The following NEO1 variants were observed in gnomAD, a reference collection of about 807,000 sequenced individuals.
NEO1 encodes the protein neogenin.
Under a neutral mutation model 159.7 loss-of-function variants are expected in NEO1, and 63 were observed. That is an observed-to-expected ratio of 0.39 (90% CI 0.32 to 0.49). NEO1 has a LOEUF of 0.49. NEO1 is among the 20% of genes least tolerant of loss of function. NEO1 has a pLI of 0.85. For synonymous variants in NEO1, 633 were observed against 662.0 expected (o/e 0.96, Z 0.67); for missense variants, 1,615 against 1,831.0 (o/e 0.88, Z 2.15).
At chr15:73,258,941 T>C (rs2040490664) in intron 14 of NEO1, 65 bp downstream of exon 14, 12 of 1,389,826 alleles carry the variant, frequency 8.6e-6, no homozygotes, top group Non-Finnish European at 1.2e-5. Context: ...TGAGTCAAAC[T>C]GGAAAGCCAC....
At chr15:73,105,782 C>T (rs2070658718) in intron 1 of NEO1, among the ~76,000 whole-genome samples, 1 of 152,080 alleles carries the variant, frequency 6.6e-6, no homozygotes, top group Admixed American at 6.6e-5. Flanking sequence ...ACACTTTGGG[C>T]AAGAATACTA....
At chr15:73,111,652 C>T (rs1022809065) in intron 1 of NEO1, among the ~76,000 whole-genome samples, 3 of 152,028 alleles carry the variant, frequency 2.0e-5, no homozygotes, top group African/African-American at 7.3e-5. Flanking sequence ...ACTAGGTCTC[C>T]CTCAGTCACC....
intron 9 of NEO1, among the ~76,000 whole-genome samples, chr15:73,245,838 C>T (rs138141755): frequency 6.6e-6 from 1 of 151,898 alleles, no homozygotes; most frequent in Admixed American, 6.6e-5. Context: ...GCCTCGGCCT[C>T]GCAAAGTGCT....
chr15:73,284,625 G>T lies in NEO1; in HGVS notation c.3410+1514G>T, dbSNP rs531851890. 3.6e-3 allele frequency among the ~76,000 whole-genome samples: 440 copies of T among 121,088 alleles called. 2 individuals are homozygous for T. The highest frequency in any genetic ancestry group is 0.013 in the African/African-American group (415 of 31,778). 79.4% of individuals were successfully genotyped at this position (121,088 alleles called of 152,430 possible). ...TTTTGAGACGGTGTCTCTCTCTGTTGCCCAGGCTGGAATGCAGTGGCACAT... is the reference window on the plus strand; with the variant it reads ...TTTTGAGACGGTGTCTCTCTCTGTTTCCCAGGCTGGAATGCAGTGGCACAT... On this transcript the variant is annotated intron_variant, in intron 23 of 28. Transcript: ENST00000261908.
At chr15:73,176,661 G>T in intron 6 of NEO1, 104 bp downstream of exon 6, 1 of 779,832 alleles carries the variant, frequency 1.3e-6, no homozygotes, top group Non-Finnish European at 1.9e-6. Context: ...TTTGTGTACT[G>T]CAAATGAAAT....
chr15:73,060,586 A>C (rs1488951704), intron 1 of NEO1, among the ~76,000 whole-genome samples: 7 of 151,332 alleles, frequency 4.6e-5, no homozygotes, highest in African/African-American at 1.7e-4. Flanking sequence ...GTTGTTTTAA[A>C]TTTATAGAGT....
intron 5 of NEO1, among the ~76,000 whole-genome samples, chr15:73,172,921 T>A (rs2035058017): frequency 1.3e-5 from 2 of 152,348 alleles, no homozygotes; most frequent in East Asian, 3.9e-4. Flanking sequence ...ACACACACTC[T>A]CCTGATTTCT....
intron 22 of NEO1, among the ~76,000 whole-genome samples, chr15:73,280,223 T>A (rs1261505564): frequency 1.3e-5 from 2 of 151,322 alleles, no homozygotes; most frequent in Non-Finnish European, 2.9e-5. Context: ...GAGGCAGAGG[T>A]TGCAGTGAGC....
intron 5 of NEO1, among the ~76,000 whole-genome samples, chr15:73,137,143 T>C (rs943720341): frequency 2.0e-5 from 3 of 152,170 alleles, no homozygotes; most frequent in African/African-American, 7.2e-5. Context: ...GTTGGTACCC[T>C]TGATGCACGT....
intron 1 of NEO1, among the ~76,000 whole-genome samples, chr15:73,064,664 A>G (rs1253315544): frequency 6.6e-6 from 1 of 151,922 alleles, no homozygotes; most frequent in Non-Finnish European, 1.5e-5. Flanking sequence ...ACAAGATCTT[A>G]CTATATTGTC....
At position 73,171,288 on chromosome 15, in the gene NEO1, C is replaced by T. The variant is rs575112879; in HGVS notation, c.1016-5115C>T. Among the ~76,000 whole-genome samples the T allele has an allele frequency of 2.6e-5, 4 of 152,112 alleles. No homozygotes were observed. In the South Asian group the frequency reaches 8.3e-4, roughly 32 times the overall value. On this transcript the variant is annotated intron_variant, in intron 5 of 28. Coordinates refer to ENST00000261908, the MANE Select transcript of NEO1 (RefSeq NM_002499.4). The stretch of plus-strand genomic sequence containing the variant: ...CATTTTTAAGAACATAGAGGCCAGG[C>T]GTAGTGGCTCATGCCTGTAAACCTA...
intron 28 of NEO1, 138 bp from the exon 29 acceptor site, chr15:73,302,475 G>A: frequency 1.4e-6 from 1 of 691,262 alleles, no homozygotes; most frequent in Admixed American, 2.5e-5. Flanking sequence ...CCACTCTTCT[G>A]AGCCACCCTG....
At chr15:73,128,113 A>G (rs2030546831) in intron 4 of NEO1, among the ~76,000 whole-genome samples, 1 of 152,156 alleles carries the variant, frequency 6.6e-6, no homozygotes, top group South Asian at 2.1e-4. Flanking sequence ...CCTCCCCAAT[A>G]TCACCTGATT....
intron 7 of NEO1, among the ~76,000 whole-genome samples, chr15:73,220,661 G>A (rs912862815): frequency 6.6e-6 from 1 of 151,726 alleles, no homozygotes; most frequent in Non-Finnish European, 1.5e-5. Context: ...TTCCCTTCTC[G>A]CTTCATTTCC....
At chr15:73,257,047 A>G (rs532119905) in intron 13 of NEO1, among the ~76,000 whole-genome samples, 1 of 144,932 alleles carries the variant, frequency 6.9e-6, no homozygotes, top group Non-Finnish European at 1.5e-5. Flanking sequence ...TGGGAGGATC[A>G]TTTGAACCCA....
chr15:73,275,333 A>T (rs1271276960), intron 21 of NEO1, among the ~76,000 whole-genome samples: 3 of 152,156 alleles, frequency 2.0e-5, no homozygotes, highest in African/African-American at 7.2e-5. Flanking sequence ...TGATCATATT[A>T]AAAGAGGATC....
chr15:73,188,215 A>G (rs1448833899), intron 7 of NEO1, among the ~76,000 whole-genome samples: 1 of 152,208 alleles, frequency 6.6e-6, no homozygotes, highest in Non-Finnish European at 1.5e-5. Context: ...TTTAAAAAAA[A>G]AAAGACTTTA....
intron 2 of NEO1, 142 bp downstream of exon 2, chr15:73,116,999 C>T (rs2071364101): frequency 1.5e-6 from 1 of 659,820 alleles, no homozygotes; most frequent in African/African-American, 1.8e-5. Context: ...TGCATATACT[C>T]TGCGTATGGG....
intron 7 of NEO1, among the ~76,000 whole-genome samples, chr15:73,198,513 C>T (rs1254705707): frequency 6.6e-6 from 1 of 151,408 alleles, no homozygotes; most frequent in Non-Finnish European, 1.5e-5. Context: ...TTAGTTTATT[C>T]TCTGAAAGCT....
Sources: gnomAD v4.1 joint callset for allele counts (sites outside exome capture counted in the v4.1 genomes callset) on GRCh38, gnomAD v4.1.1 for gene constraint, MANE v1.5 for transcripts, NCBI Gene and HGNC (gene_info 2026-07-23, HGNC 2026-07-21) for gene names.